The following FLYWCH2 variants were observed in gnomAD, a reference collection of about 807,000 sequenced individuals.
The protein encoded by FLYWCH2 is FLYWCH family member 2.
FLYWCH2 carries 2 observed loss-of-function variants against 6.0 expected under a neutral mutation model. That is an observed-to-expected ratio of 0.33 (90% CI 0.14 to 1.04). FLYWCH2 has a LOEUF of 1.04. Among genes scored for constraint, FLYWCH2 ranks in the 50% least tolerant of loss-of-function variants. FLYWCH2 has a pLI of 0.45. For synonymous variants in FLYWCH2, 87 were observed against 79.3 expected, an observed-to-expected ratio of 1.10 and a Z score of -0.52; for missense variants, 192 against 183.4, an observed-to-expected ratio of 1.05 and a Z score of -0.27.
intron 1 of FLYWCH2, among the ~76,000 whole-genome samples, chr16:2,891,705 C>G (rs1358562694): frequency 6.6e-6 from 1 of 151,272 alleles, no homozygotes; most frequent in Non-Finnish European, 1.5e-5. Flanking sequence ...CGCCTGGCCT[C>G]TCTCTTTTAT....
intron 1 of FLYWCH2, among the ~76,000 whole-genome samples, chr16:2,883,570 C>G (rs911309235): frequency 1.3e-5 from 2 of 152,126 alleles, no homozygotes; most frequent in Non-Finnish European, 1.5e-5. Flanking sequence ...GTCCCTTGTC[C>G]AAAGCCTCAA....
chr16:2,889,126 G>GTT (rs201542187), intron 1 of FLYWCH2, among the ~76,000 whole-genome samples: 4 of 96,394 alleles, frequency 4.1e-5, no homozygotes, highest in African/African-American at 9.2e-5. Flanking sequence ...AAAATTTGGT[G>GTT]TTTTTTTGTT....
At chr16:2,892,909 T>TATATTATATATGTCATATA (rs2069774809) in intron 1 of FLYWCH2, among the ~76,000 whole-genome samples, 1 of 6,588 alleles carries the variant, frequency 1.5e-4, no homozygotes, top group Non-Finnish European at 5.6e-4. Context: ...TGTCATATAA[T>TATATTATATATGTCATATA]ATATATTATA....
At chr16:2,890,730 C>G (rs1327788844) in intron 1 of FLYWCH2, among the ~76,000 whole-genome samples, 1 of 152,028 alleles carries the variant, frequency 6.6e-6, no homozygotes, top group Non-Finnish European at 1.5e-5. Context: ...CCACGCCTGA[C>G]TAATTTTTAT....
intron 3 of FLYWCH2, among the ~76,000 whole-genome samples, chr16:2,898,588 C>T (rs2069848547): frequency 6.6e-6 from 1 of 152,214 alleles, no homozygotes; most frequent in Admixed American, 6.5e-5. Flanking sequence ...TTTGAGACTC[C>T]TGCTCACTGC....
rs1015966958 is a variant in FLYWCH2 at position 2,883,273 on chromosome 16, G to T, written c.-293G>T. ...GCTCGCGCTGTGACCCCGGCTTGAGGTAACAGCGCGAGCTGAGGCTGGGGC... is the reference window on the plus strand; with the variant it reads ...GCTCGCGCTGTGACCCCGGCTTGAGTTAACAGCGCGAGCTGAGGCTGGGGC... On this transcript the variant is annotated 5_prime_UTR_variant, in exon 1 of 4. Coordinates refer to ENST00000396958, the MANE Select transcript of FLYWCH2 (RefSeq NM_138439.3). 1.3e-5 allele frequency: 2 copies of T among 152,300 alleles called. No individual in the cohort carries two copies. Among genetic ancestry groups the T allele is most frequent in the Admixed American group, 6.5e-5 (1 of 15,296 alleles). The allele number at this position is 152,300 out of a possible 1,614,324, so 9.4% of individuals were successfully genotyped here. A position where few individuals can be genotyped will look rare whatever the true frequency, so the allele number is the denominator to read the frequency against.
At chr16:2,886,680 C>T (rs1446660774) in intron 1 of FLYWCH2, among the ~76,000 whole-genome samples, 2 of 143,092 alleles carry the variant, frequency 1.4e-5, no homozygotes, top group Non-Finnish European at 2.9e-5. Context: ...TGCCACCAAG[C>T]TTGGCTAATT....
intron 1 of FLYWCH2, among the ~76,000 whole-genome samples, chr16:2,886,366 AG>A (rs1244106654): frequency 1.1e-4 from 17 of 150,654 alleles, no homozygotes; most frequent in African/African-American, 4.2e-4. Context: ...AATCCAAAAA[AG>A]AAAATAATTT....
At chr16:2,888,484 CAAA>C (rs76190008) in intron 1 of FLYWCH2, among the ~76,000 whole-genome samples, 1,158 of 105,778 alleles carry the variant, frequency 0.011, 22 homozygotes, top group African/African-American at 0.035. Flanking sequence ...TCAGTTTCTC[CAAA>C]AAAAAAAAAA....
chr16:2,899,223 G>T lies in FLYWCH2; in HGVS notation c.*74G>T. The T allele has an allele frequency of 1.1e-6, 1 of 941,540 alleles. No homozygotes were observed. The highest frequency in any genetic ancestry group is 1.7e-5 in the African/African-American group (1 of 57,482). 58.3% of individuals were successfully genotyped at this position (941,540 alleles called of 1,614,324 possible). On this transcript the variant is annotated 3_prime_UTR_variant, in exon 4 of 4. Coordinates refer to ENST00000396958, the MANE Select transcript of FLYWCH2 (RefSeq NM_138439.3). ...CTTCTCTGTCCGCAGGGCTTCTGGG[G>T]CCAAATGGGTGAATCTTTGCTTTTA...
intron 1 of FLYWCH2, among the ~76,000 whole-genome samples, chr16:2,889,396 G>A (rs1596336398): frequency 6.6e-6 from 1 of 151,634 alleles, no homozygotes; most frequent in South Asian, 2.1e-4. Flanking sequence ...ATTTTTAGTA[G>A]AGATGGCATT....
intron 1 of FLYWCH2, among the ~76,000 whole-genome samples, chr16:2,884,175 T>A (rs989448388): frequency 2.6e-5 from 4 of 152,164 alleles, no homozygotes; most frequent in African/African-American, 9.7e-5. Context: ...TGTCATCTAT[T>A]AACAGCCCCT....
intron 1 of FLYWCH2, among the ~76,000 whole-genome samples, chr16:2,892,628 G>A (rs552359047): frequency 2.6e-5 from 4 of 151,846 alleles, no homozygotes; most frequent in East Asian, 1.9e-4. Flanking sequence ...GGTGGATCAC[G>A]AGGTCAACAG....
chr16:2,884,568 A>AAAAAAAAAAAAAC (rs1351164807), intron 1 of FLYWCH2, among the ~76,000 whole-genome samples: 1 of 145,290 alleles, frequency 6.9e-6, no homozygotes, highest in African/African-American at 2.6e-5. Context: ...TAAAAAAAAA[A>AAAAAAAAAAAAAC]AAAAAAAAAT....
chr16:2,886,656 G>A (rs1163653576), intron 1 of FLYWCH2, among the ~76,000 whole-genome samples: 2 of 144,824 alleles, frequency 1.4e-5, no homozygotes, highest in East Asian at 3.9e-4. Context: ...TGAGTAGCTG[G>A]GATTACAGGC....
intron 1 of FLYWCH2, among the ~76,000 whole-genome samples, chr16:2,883,850 C>G (rs954195237): frequency 7.2e-5 from 11 of 152,236 alleles, no homozygotes. Flanking sequence ...CGTTTGATGC[C>G]AATTGCATTG....
intron 1 of FLYWCH2, among the ~76,000 whole-genome samples, chr16:2,884,568 A>AAAAAAAAAAAAAAAAAAAAAAC: frequency 1.4e-5 from 2 of 145,290 alleles, no homozygotes; most frequent in Non-Finnish European, 3.0e-5. Context: ...TAAAAAAAAA[A>AAAAAAAAAAAAAAAAAAAAAAC]AAAAAAAAAT....
chr16:2,894,408 G>C (rs986822866), intron 1 of FLYWCH2, among the ~76,000 whole-genome samples: 1 of 152,194 alleles, frequency 6.6e-6, no homozygotes, highest in African/African-American at 2.4e-5. Context: ...CGGAGTGTGG[G>C]AGGCGTGGGG....
intron 1 of FLYWCH2, among the ~76,000 whole-genome samples, chr16:2,893,679 C>A (rs1483008438): frequency 6.7e-6 from 1 of 148,760 alleles, no homozygotes; most frequent in African/African-American, 2.5e-5. Context: ...GCTCTGTCGC[C>A]CAGGCTGGAG....
Sources: gnomAD v4.1 joint callset for allele counts (sites outside exome capture counted in the v4.1 genomes callset) on GRCh38, gnomAD v4.1.1 for gene constraint, MANE v1.5 for transcripts, NCBI Gene and HGNC (gene_info 2026-07-23, HGNC 2026-07-21) for gene names.